Variants in GBE1 observed in about 807,000 individuals in gnomAD.
GBE1 encodes the protein 1,4-alpha-glucan-branching enzyme.
In GBE1, 70 loss-of-function variants were observed where a neutral mutation model predicts 88.8. The observed-to-expected ratio is 0.79, with a 90% CI of 0.65 to 0.96. The LOEUF is 0.96. GBE1 is among the 40% of genes least tolerant of loss of function. The probability of loss-of-function intolerance (pLI) is 0.00; values close to 1 mark genes in which losing one functional copy is unlikely to be tolerated. For missense variants in GBE1, 872 were observed against 871.0 expected, an observed-to-expected ratio of 1.00 and a Z score of -0.01; for synonymous variants, 284 against 300.1, an observed-to-expected ratio of 0.95 and a Z score of 0.56.
intron 12 of GBE1, among the ~76,000 whole-genome samples, chr3:81,537,533 T>G (rs2106873023): frequency 6.6e-6 from 1 of 152,202 alleles, no homozygotes; most frequent in South Asian, 2.1e-4. Context: ...AGGAACTCTC[T>G]ATTATATTCA....
At chr3:81,532,246 A>T (rs753115284) in intron 14 of GBE1, among the ~76,000 whole-genome samples, 1 of 151,858 alleles carries the variant, frequency 6.6e-6, no homozygotes, top group African/African-American at 2.4e-5. Context: ...ATAATTGTTC[A>T]ATTTGGTGTT....
chr3:81,672,871 A>AT (rs1178411365), intron 2 of GBE1, among the ~76,000 whole-genome samples: 2 of 151,894 alleles, frequency 1.3e-5, no homozygotes, highest in Non-Finnish European at 2.9e-5. Context: ...ATTTTATGCC[A>AT]TTTTTTCTTC....
chr3:81,742,359 T>C (rs1263848561), intron 1 of GBE1, among the ~76,000 whole-genome samples: 1 of 152,078 alleles, frequency 6.6e-6, no homozygotes, highest in Non-Finnish European at 1.5e-5. Flanking sequence ...ATGAACAACT[T>C]TAAAAGTTCA....
At chr3:81,605,897 C>A (rs960471342) in intron 7 of GBE1, among the ~76,000 whole-genome samples, 4 of 152,130 alleles carry the variant, frequency 2.6e-5, no homozygotes, top group Non-Finnish European at 1.5e-5. Context: ...CCTTTGCAGA[C>A]CCCTGCAATT....
At chr3:81,543,402 CATTAAATTTCAT>C (rs1703167361) in intron 12 of GBE1, among the ~76,000 whole-genome samples, 1 of 151,952 alleles carries the variant, frequency 6.6e-6, no homozygotes, top group East Asian at 1.9e-4. Flanking sequence ...ACAAACGCAA[CATTAAATTTCAT>C]ATTTGGTTCA....
At chr3:81,546,910 G>C (rs1408893599) in intron 12 of GBE1, among the ~76,000 whole-genome samples, 1 of 151,030 alleles carries the variant, frequency 6.6e-6, no homozygotes, top group East Asian at 1.9e-4. Flanking sequence ...TTAGGGTCTG[G>C]ATCAGGACCC....
chr3:81,538,285 C>T (rs1330276706), intron 12 of GBE1, among the ~76,000 whole-genome samples: 1 of 151,932 alleles, frequency 6.6e-6, no homozygotes, highest in Non-Finnish European at 1.5e-5. Context: ...AAATAATTTA[C>T]TGCAGAGGTG....
rs1009462567 is a variant in GBE1, at chr3:81,536,497, G to GA, written c.1803+413dup. On this transcript the variant is annotated intron_variant, in intron 13 of 15. Transcript: ENST00000429644. Reference sequence around the variant, plus strand: ...ACAAGTTAGAGGCCACTAAAGAAGAGAAAAAAAAATGAATAAAGAAATTTA... The same window carrying GA: ...ACAAGTTAGAGGCCACTAAAGAAGAGAAAAAAAAAATGAATAAAGAAATTTA... 2.0e-3 allele frequency among the ~76,000 whole-genome samples: 292 copies of GA among 148,760 alleles called. 2 individuals carry two copies. Among genetic ancestry groups the GA allele is most frequent in the Middle Eastern group, 0.017 (5 of 292 alleles).
intron 2 of GBE1, among the ~76,000 whole-genome samples, chr3:81,701,887 A>T (rs754010452): frequency 1.3e-5 from 2 of 151,844 alleles, no homozygotes; most frequent in Non-Finnish European, 2.9e-5. Context: ...TATAGGTGTT[A>T]GCCACTGAAC....
chr3:81,554,188 GAA>G (rs11335438), intron 12 of GBE1, among the ~76,000 whole-genome samples: 3 of 151,868 alleles, frequency 2.0e-5, no homozygotes, highest in African/African-American at 7.3e-5. Context: ...ATGGTGGGGG[GAA>G]AAAAATGTTA....
chr3:81,695,365 T>C (rs1257201648), intron 2 of GBE1, among the ~76,000 whole-genome samples: 1 of 152,208 alleles, frequency 6.6e-6, no homozygotes, highest in Admixed American at 6.5e-5. Context: ...TTTAAAAATA[T>C]TATGCTAAAT....
At chr3:81,498,670 A>AT (rs1236430729) in intron 15 of GBE1, among the ~76,000 whole-genome samples, 6 of 152,030 alleles carry the variant, frequency 3.9e-5, no homozygotes, top group African/African-American at 1.4e-4. Flanking sequence ...AGAAAGATAC[A>AT]TTTTTCATTG....
At chr3:81,748,665 G>A (rs1230522082) in intron 1 of GBE1, among the ~76,000 whole-genome samples, 2 of 151,716 alleles carry the variant, frequency 1.3e-5, no homozygotes, top group African/African-American at 4.8e-5. Flanking sequence ...TGTTGGCAAG[G>A]ATGCAGATCA....
At chr3:81,720,333 T>G in intron 1 of GBE1, among the ~76,000 whole-genome samples, 1 of 144,344 alleles carries the variant, frequency 6.9e-6, no homozygotes, top group Non-Finnish European at 1.5e-5. Context: ...ACGCACACAC[T>G]GTGTGTGTAT....
At chr3:81,503,133 C>T (rs140129902) in intron 14 of GBE1, among the ~76,000 whole-genome samples, 1 of 151,990 alleles carries the variant, frequency 6.6e-6, no homozygotes, top group South Asian at 2.1e-4. Context: ...ATCTTTACTC[C>T]CCCATTCATT....
In GBE1 at chr3:81,573,816, G is replaced by A. The variant is rs575770088; in HGVS notation, c.1618+4109C>T. On this transcript the variant is annotated intron_variant, in intron 12 of 15. Transcript: ENST00000429644. ...GTGTGTGTAGAAATTCTGTGCACAG[G>A]TACCATAAAAACAGTAAATTTCATC... 6.0e-5 allele frequency among the ~76,000 whole-genome samples: 9 copies of A among 150,716 alleles called. No homozygotes were observed. The South Asian group carries it at 1.9e-3, about 32-fold the overall frequency.
intron 14 of GBE1, among the ~76,000 whole-genome samples, chr3:81,527,809 C>A (rs1400866778): frequency 2.0e-5 from 3 of 151,880 alleles, no homozygotes; most frequent in Non-Finnish European, 4.4e-5. Flanking sequence ...GACAGTGTGG[C>A]GATTCCTCAG....
In GBE1 at chr3:81,629,393, G is replaced by A. The variant is rs192832876; in HGVS notation, c.992+13388C>T. On this transcript the variant is annotated intron_variant, in intron 7 of 15. Coordinates refer to ENST00000429644, the MANE Select transcript of GBE1 (RefSeq NM_000158.4). ...TTATGGCTGCATAGTATTCCATGGTGTATATGTGCCACATTTTCTTAATCC... is the reference window on the plus strand; with the variant it reads ...TTATGGCTGCATAGTATTCCATGGTATATATGTGCCACATTTTCTTAATCC... Among the ~76,000 whole-genome samples, 1,338 of 151,906 alleles carry A rather than the reference G, an allele frequency of 8.8e-3. 21 individuals carry two copies. The highest frequency in any genetic ancestry group is 0.03 in the African/African-American group (1,256 of 41,390).
At chr3:81,602,749 A>G (rs1704050272) in intron 7 of GBE1, among the ~76,000 whole-genome samples, 1 of 152,138 alleles carries the variant, frequency 6.6e-6, no homozygotes, top group African/African-American at 2.4e-5. Context: ...AGAAGAGGAC[A>G]TTTTTCTTTA....
Sources: gnomAD v4.1 joint callset for allele counts (sites outside exome capture counted in the v4.1 genomes callset) on GRCh38, gnomAD v4.1.1 for gene constraint, MANE v1.5 for transcripts, NCBI Gene and HGNC (gene_info 2026-07-23, HGNC 2026-07-21) for gene names.